GRIA1: variants seen among roughly 807,000 people sequenced by gnomAD.
The protein encoded by GRIA1 is glutamate ionotropic receptor AMPA type subunit 1.
GRIA1 carries 31 observed loss-of-function variants against 99.2 expected under a neutral mutation model. The observed-to-expected ratio is 0.31, with a 90% CI of 0.23 to 0.42. The LOEUF is 0.42. Ranked by LOEUF, GRIA1 falls within the 10% of genes least tolerant of loss-of-function variation. The pLI, the probability that GRIA1 is intolerant of heterozygous loss-of-function variation, is 1.00. For missense variants in GRIA1, 782 were observed against 1,157.5 expected, an observed-to-expected ratio of 0.68 and a Z score of 4.71; for synonymous variants, 438 against 432.4, an observed-to-expected ratio of 1.01 and a Z score of -0.16.
chr5:153,594,772 C>T (rs1199169321), intron 2 of GRIA1, among the ~76,000 whole-genome samples: 2 of 151,806 alleles, frequency 1.3e-5, no homozygotes, highest in Non-Finnish European at 2.9e-5. Context: ...AACCTAGAGT[C>T]TAAATACTTT....
At chr5:153,598,627 C>T (rs1360720208) in intron 2 of GRIA1, among the ~76,000 whole-genome samples, 1 of 152,160 alleles carries the variant, frequency 6.6e-6, no homozygotes, top group African/African-American at 2.4e-5. Flanking sequence ...CCCTTAACTG[C>T]CTTCCTTAAC....
At chr5:153,684,857 G>A (rs187322318) in intron 7 of GRIA1, among the ~76,000 whole-genome samples, 1 of 152,230 alleles carries the variant, frequency 6.6e-6, no homozygotes, top group Admixed American at 6.5e-5. Context: ...TAAAGAGCAT[G>A]TTGTAAAATT....
At chr5:153,632,709 T>C (rs980055789) in intron 2 of GRIA1, among the ~76,000 whole-genome samples, 11 of 152,176 alleles carry the variant, frequency 7.2e-5, no homozygotes, top group African/African-American at 2.4e-4. Context: ...TAAACCGTTA[T>C]TGAACATCTA....
At chr5:153,543,183 C>T (rs988026315) in intron 2 of GRIA1, among the ~76,000 whole-genome samples, 2 of 151,896 alleles carry the variant, frequency 1.3e-5, no homozygotes, top group African/African-American at 4.8e-5. Context: ...CCTGGTGATA[C>T]CTGAGTGGAG....
intron 2 of GRIA1, among the ~76,000 whole-genome samples, chr5:153,551,070 A>G (rs577247599): frequency 4.6e-5 from 7 of 152,084 alleles, no homozygotes; most frequent in African/African-American, 1.7e-4. Context: ...TTTAAAAGCT[A>G]TTATTCATAA....
chr5:153,706,093 T>C (rs747790004), intron 11 of GRIA1, 26 bp downstream of exon 11: 1 of 1,605,412 alleles, frequency 6.2e-7, no homozygotes, highest in Non-Finnish European at 8.5e-7. Flanking sequence ...TCAATCCCTT[T>C]GCCTAATGCT....
intron 2 of GRIA1, among the ~76,000 whole-genome samples, chr5:153,524,836 T>C (rs939541083): frequency 1.3e-5 from 2 of 152,178 alleles, no homozygotes; most frequent in Admixed American, 6.5e-5. Context: ...ACCTGTAATA[T>C]AGTAAGATCC....
chr5:153,709,701 A>T (rs1269197836), intron 11 of GRIA1, among the ~76,000 whole-genome samples: 1 of 152,208 alleles, frequency 6.6e-6, no homozygotes. Flanking sequence ...AACAGCATGA[A>T]GGAAAAAAAG....
At chr5:153,503,417 T>C (rs1755197688) in intron 2 of GRIA1, among the ~76,000 whole-genome samples, 1 of 152,226 alleles carries the variant, frequency 6.6e-6, no homozygotes, top group Non-Finnish European at 1.5e-5. Context: ...GCAAGTGCCA[T>C]TATTTGTATG....
chr5:153,759,016 T>A (rs527655391), intron 11 of GRIA1, among the ~76,000 whole-genome samples: 4 of 152,018 alleles, frequency 2.6e-5, no homozygotes, highest in East Asian at 1.9e-4. Context: ...GGACATTTTT[T>A]AAAAATTTTA....
chr5:153,714,659 A>G (rs1282416162), intron 11 of GRIA1, among the ~76,000 whole-genome samples: 2 of 152,238 alleles, frequency 1.3e-5, no homozygotes, highest in African/African-American at 4.8e-5. Flanking sequence ...TGAGCTCTAG[A>G]CAGAAAAAAA....
intron 2 of GRIA1, among the ~76,000 whole-genome samples, chr5:153,581,492 T>C (rs1416530433): frequency 1.3e-5 from 2 of 152,146 alleles, no homozygotes; most frequent in African/African-American, 4.8e-5. Flanking sequence ...GGAGCTACTA[T>C]TAAAATACCT....
intron 8 of GRIA1, among the ~76,000 whole-genome samples, chr5:153,687,320 T>C (rs549083129): frequency 2.6e-5 from 4 of 152,170 alleles, no homozygotes; most frequent in Non-Finnish European, 5.9e-5. Flanking sequence ...CTTACTAGTC[T>C]GGGGTTCCGG....
chr5:153,779,290 G>T (rs1032407001), intron 13 of GRIA1, among the ~76,000 whole-genome samples: 6 of 152,164 alleles, frequency 3.9e-5, no homozygotes, highest in African/African-American at 1.4e-4. Flanking sequence ...ACAGTGCTTA[G>T]GTACAAACCC....
intron 2 of GRIA1, among the ~76,000 whole-genome samples, chr5:153,606,748 C>T (rs1432386564): frequency 1.3e-5 from 2 of 151,644 alleles, no homozygotes; most frequent in African/African-American, 2.4e-5. Context: ...CGTGACCTTG[C>T]TAAATTCACT....
At chr5:153,700,971 G>A (rs1053438474) in intron 10 of GRIA1, among the ~76,000 whole-genome samples, 1 of 152,168 alleles carries the variant, frequency 6.6e-6, no homozygotes, top group African/African-American at 2.4e-5. Context: ...CTCACTTTGG[G>A]AAGCTCCATG....
chr5:153,520,550 T>G lies in GRIA1; in HGVS notation c.220+26485T>G, dbSNP rs1280253899. ...AAATGAGGACATCATTAAAATTGTC[T>G]TTGTGGGGGCCCATGGATATGGAAG... On this transcript the variant is annotated intron_variant, in intron 2 of 15. Transcript: ENST00000285900. Among the ~76,000 whole-genome samples, 3 of 152,268 alleles carry G rather than the reference T, an allele frequency of 2.0e-5. No homozygotes were observed. In the East Asian group the frequency reaches 5.8e-4, roughly 29 times the overall value.
At chr5:153,782,691 G>A (rs940114809) in intron 13 of GRIA1, among the ~76,000 whole-genome samples, 13 of 152,146 alleles carry the variant, frequency 8.5e-5, no homozygotes, top group African/African-American at 3.1e-4. Context: ...CCCATCCCCA[G>A]GGTGAAAGCT....
Position 153,761,451 on chromosome 5 carries a change from T to TA in GRIA1, c.1824-2983_1824-2982insA, listed in dbSNP as rs200368395. ...TCACTAATCATCAGGGAAATACAAA[T>TA]CAAAACCACAGTGAGATATCACCTC... On this transcript the variant is annotated intron_variant, in intron 11 of 15. Transcript: ENST00000285900. Among the ~76,000 whole-genome samples the TA allele has an allele frequency of 6.8e-3, 1,037 of 152,024 alleles. 7 individuals are homozygous for TA. The highest frequency in any genetic ancestry group is 0.023 in the African/African-American group (970 of 41,464).
Sources: gnomAD v4.1 joint callset for allele counts (sites outside exome capture counted in the v4.1 genomes callset) on GRCh38, gnomAD v4.1.1 for gene constraint, MANE v1.5 for transcripts, NCBI Gene and HGNC (gene_info 2026-07-23, HGNC 2026-07-21) for gene names.